TNRC6B: variants seen among roughly 807,000 people sequenced by gnomAD.
TNRC6B encodes trinucleotide repeat-containing gene 6B protein.
A neutral mutation model predicts 203.6 loss-of-function variants in TNRC6B; 52 were observed. The observed-to-expected ratio is 0.26, with a 90% CI of 0.20 to 0.32. The LOEUF is 0.32. Ranked by LOEUF, TNRC6B falls within the 10% of genes least tolerant of loss-of-function variation. The pLI is 1.00. For synonymous variants in TNRC6B, 838 were observed against 845.7 expected, an observed-to-expected ratio of 0.99 and a Z score of 0.16; for missense variants, 1,923 against 2,286.2, an observed-to-expected ratio of 0.84 and a Z score of 3.24.
chr22:40,206,745 A>C (rs1256534808), intron 1 of TNRC6B, among the ~76,000 whole-genome samples: 1 of 152,076 alleles, frequency 6.6e-6, no homozygotes, highest in Non-Finnish European at 1.5e-5. Flanking sequence ...CCTAGACAAG[A>C]CCGCCACGCG....
chr22:40,289,255 C>G (rs1400744213), intron 12 of TNRC6B, among the ~76,000 whole-genome samples: 1 of 151,928 alleles, frequency 6.6e-6, no homozygotes, highest in Non-Finnish European at 1.5e-5. Context: ...GCACTCCAGC[C>G]TGGGCAACAG....
intron 3 of TNRC6B, among the ~76,000 whole-genome samples, chr22:40,258,882 C>T (rs529046745): frequency 2.0e-5 from 3 of 152,186 alleles, no homozygotes; most frequent in Non-Finnish European, 2.9e-5. Context: ...AGCCCTCAGT[C>T]CTGCAGGTCA....
At chr22:40,206,768 T>C (rs2146414832) in intron 1 of TNRC6B, among the ~76,000 whole-genome samples, 1 of 152,268 alleles carries the variant, frequency 6.6e-6, no homozygotes, top group East Asian at 1.9e-4. Context: ...CATGGAATCT[T>C]GCTCTGTGGC....
intron 19 of TNRC6B, among the ~76,000 whole-genome samples, chr22:40,314,231 A>G (rs1381438757): frequency 1.3e-5 from 2 of 152,222 alleles, no homozygotes; most frequent in African/African-American, 4.8e-5. Flanking sequence ...ATGTTTCTTA[A>G]TAATGATCTC....
Position 40,310,669 on chromosome 22 carries a change from T to C in TNRC6B, c.4259-148T>C, listed in dbSNP as rs987245589. 1.2e-5 allele frequency: 9 copies of C among 765,458 alleles called. No homozygotes were observed. In the South Asian group the frequency reaches 2.0e-4, roughly 17 times the overall value. The allele number at this position is 765,458 out of a possible 1,614,324, so 47.4% of individuals were successfully genotyped here. On this transcript the variant is annotated intron_variant, in intron 16 of 22. Coordinates refer to ENST00000454349, the MANE Select transcript of TNRC6B (RefSeq NM_001162501.2). ...GTCATGCTGCTTAGTAATTCTGTGCTGAGTCTCGAATGCAACCTCTTATTC... is the reference window on the plus strand; with the variant it reads ...GTCATGCTGCTTAGTAATTCTGTGCCGAGTCTCGAATGCAACCTCTTATTC...
intron 1 of TNRC6B, among the ~76,000 whole-genome samples, chr22:40,198,932 T>C (rs2069374904): frequency 6.6e-6 from 1 of 152,012 alleles, no homozygotes; most frequent in African/African-American, 2.4e-5. Context: ...GGCTTCTATA[T>C]CCCATTTTCC....
At chr22:40,131,183 G>A (rs897469917) in intron 3 of TNRC6B, among the ~76,000 whole-genome samples, 11 of 152,208 alleles carry the variant, frequency 7.2e-5, no homozygotes, top group Non-Finnish European at 1.6e-4. Context: ...GCCTCCCAAA[G>A]TGCTGGGATT....
intron 1 of TNRC6B, among the ~76,000 whole-genome samples, chr22:40,077,845 G>C (rs1376415781): frequency 1.3e-5 from 2 of 152,132 alleles, no homozygotes; most frequent in African/African-American, 4.8e-5. Context: ...GATCAGCTCT[G>C]CTCACTCAGT....
At chr22:40,056,490 C>T (rs1447377965) in intron 1 of TNRC6B, among the ~76,000 whole-genome samples, 1 of 152,018 alleles carries the variant, frequency 6.6e-6, no homozygotes, top group Non-Finnish European at 1.5e-5. Flanking sequence ...AAGGCAACAC[C>T]TTTAAGTAAG....
rs555755649 is a variant in TNRC6B at position 40,323,101 on chromosome 22, G to C, written c.5362G>C (p.Ala1788Pro). The change falls in exon 23 of 23, where the codon GCT becomes CCT. Residue 1788 changes from alanine to proline, a missense_variant. Physicochemically the swap from Ala to Pro is conservative, Grantham distance 27. Transcript: ENST00000454349. The part of the protein sequence containing the change: ...SAGGSSGADL[A>P]GASLWGPPNY... ...TGGTGGCAGCAGCGGGGCCGATCTT[G>C]CTGGCGCTTCATTGTGGGGGCCCCC... 4 of 1,610,882 alleles carry C rather than the reference G, an allele frequency of 2.5e-6. No individual in the cohort carries two copies. The African/African-American group carries it at 4.0e-5, about 16-fold the overall frequency.
chr22:40,103,057 C>T (rs1190933189), intron 1 of TNRC6B, among the ~76,000 whole-genome samples: 1 of 151,280 alleles, frequency 6.6e-6, no homozygotes, highest in East Asian at 1.9e-4. Flanking sequence ...AGCCTGGGGA[C>T]AGAGTGAGAG....
At chr22:40,097,293 TTTTTTG>T (rs201436604) in intron 1 of TNRC6B, among the ~76,000 whole-genome samples, 1 of 151,974 alleles carries the variant, frequency 6.6e-6, no homozygotes, top group Non-Finnish European at 1.5e-5. Context: ...TGTGTCCTTT[TTTTTTG>T]TTTTTGTTTT....
intron 3 of TNRC6B, among the ~76,000 whole-genome samples, chr22:40,146,654 C>T (rs2068698135): frequency 6.6e-6 from 1 of 150,846 alleles, no homozygotes; most frequent in African/African-American, 2.4e-5. Context: ...GCAACCTCCT[C>T]CCCCTAGCAG....
chr22:40,290,937 T>C (rs2070862075), intron 12 of TNRC6B, among the ~76,000 whole-genome samples: 2 of 152,206 alleles, frequency 1.3e-5, no homozygotes, highest in Non-Finnish European at 1.5e-5. Context: ...AAGTGTCTGC[T>C]CTACCCAAAA....
At chr22:40,260,257 CAGAG>C (rs1425076623) in intron 3 of TNRC6B, among the ~76,000 whole-genome samples, 1 of 150,074 alleles carries the variant, frequency 6.7e-6, no homozygotes, top group African/African-American at 2.5e-5. Context: ...AGTATTTACA[CAGAG>C]AGCGGTGCAA....
At chr22:40,283,922 C>T (rs1049242580) in intron 11 of TNRC6B, among the ~76,000 whole-genome samples, 11 of 152,178 alleles carry the variant, frequency 7.2e-5, no homozygotes, top group South Asian at 4.1e-4. Context: ...GTAACCCCAC[C>T]GTCCAAGGAC....
upstream of TNRC6B, among the ~76,000 whole-genome samples, chr22:40,173,243 C>T (rs150635686): frequency 1.9e-3 from 293 of 151,956 alleles, 1 homozygote; most frequent in African/African-American, 6.8e-3. Context: ...ACTACAGGTG[C>T]GTGCCACCAC....
rs1456838157 is a variant in TNRC6B at position 40,264,940 on chromosome 22, G to A, written c.710G>A (p.Ser237Asn). 6 of 1,613,832 alleles carry A rather than the reference G, an allele frequency of 3.7e-6. No homozygotes were observed. In the African/African-American group the frequency reaches 5.3e-5, roughly 14 times the overall value. Residue 237 changes from serine (S) to asparagine (N), a missense_variant, in exon 5 of 23, where the codon AGT becomes AAT. Around this residue, in one of 8 missense-constraint regions of TNRC6B, gnomAD observed 614 missense variants for 587.7 expected, o/e 1.04. Coordinates refer to ENST00000454349, the MANE Select transcript of TNRC6B (RefSeq NM_001162501.2). ...AGCACTCTGCCAGGAAGCACCACTA[G>A]TAACAAAGGAAAAGGGAGCCAGTGC... ...EKSTLPGSTT[S>N]NKGKGSQCQS...
chr22:40,226,174 A>G (rs2069782724), intron 1 of TNRC6B, among the ~76,000 whole-genome samples: 1 of 152,240 alleles, frequency 6.6e-6, no homozygotes, highest in African/African-American at 2.4e-5. Context: ...TCAGCTTGCT[A>G]AATTTAAATG....
Sources: gnomAD v4.1 joint callset for allele counts (sites outside exome capture counted in the v4.1 genomes callset) on GRCh38, gnomAD v4.1.1 for gene constraint, gnomAD v4.1.1 regional missense constraint, MANE v1.5 for transcripts, NCBI Gene and HGNC (gene_info 2026-07-23, HGNC 2026-07-21) for gene names.